The following TOMM34 variants were observed in gnomAD, a reference collection of about 807,000 sequenced individuals.
TOMM34 encodes the protein translocase of outer mitochondrial membrane 34, also known as mitochondrial import receptor subunit TOM34.
In TOMM34, 24 loss-of-function variants were observed where a neutral mutation model predicts 37.4. That is an observed-to-expected ratio of 0.64 (90% CI 0.46 to 0.90). The LOEUF (loss-of-function observed/expected upper bound fraction) is 0.90. Among genes scored for constraint, TOMM34 ranks in the 40% least tolerant of loss-of-function variants. The probability of loss-of-function intolerance (pLI) is 0.00; values close to 1 mark genes in which losing one functional copy is unlikely to be tolerated. For synonymous variants in TOMM34, 154 were observed against 148.9 expected (o/e 1.03, Z -0.25); for missense variants, 304 against 375.6 (o/e 0.81, Z 1.58).
At position 44,943,043 on chromosome 20, in the gene TOMM34, A is replaced by G. The variant is rs1286391442; in HGVS notation, c.*66T>C. On this transcript the variant is annotated 3_prime_UTR_variant, in exon 7 of 7. Coordinates refer to ENST00000372813, the MANE Select transcript of TOMM34 (RefSeq NM_006809.5). ...CATGCTGGGTTTCAGGAGCGGGCAC[A>G]GAGCAGGTGGCCCATGGCTTCTCTG... is the stretch of plus-strand genomic sequence containing the variant. The G allele has an allele frequency of 6.6e-7, 1 of 1,521,178 alleles. No homozygotes were observed. The highest frequency in any genetic ancestry group is 9.1e-7 in the Non-Finnish European group (1 of 1,097,710). The allele number at this position is 1,521,178 out of a possible 1,614,324, so 94.2% of individuals were successfully genotyped here.
chr20:44,960,023 C>T, intron 1 of TOMM34, 184 bp downstream of exon 1: 1 of 984,162 alleles, frequency 1.0e-6, no homozygotes. Flanking sequence ...TGGGGGCCAA[C>T]AGGGCAGTTA....
chr20:44,949,475 GC>G (rs1178668311), intron 4 of TOMM34, among the ~76,000 whole-genome samples: 1 of 152,150 alleles, frequency 6.6e-6, no homozygotes, highest in African/African-American at 2.4e-5. Context: ...TCTAACACAT[GC>G]AGCTCTGCTC....
Position 44,956,278 on chromosome 20 carries a change from G to A in TOMM34, c.227+108C>T. On this transcript the variant is annotated intron_variant, in intron 2 of 6. Coordinates refer to ENST00000372813, the MANE Select transcript of TOMM34 (RefSeq NM_006809.5). ...ACTCAGTGACACTTTCTTAATATCT[G>A]TCCCAGATGTAATTGATGGGATCCT... 4.6e-6 allele frequency: 5 copies of A among 1,081,090 alleles called. No homozygotes were observed. In the South Asian group the frequency reaches 7.1e-5, roughly 15 times the overall value. 67.0% of individuals were successfully genotyped at this position (1,081,090 alleles called of 1,614,324 possible).
intron 5 of TOMM34, among the ~76,000 whole-genome samples, chr20:44,945,713 A>C (rs2066975010): frequency 6.6e-6 from 1 of 152,214 alleles, no homozygotes; most frequent in Non-Finnish European, 1.5e-5. Flanking sequence ...CCCAGCTACC[A>C]TCTTGCTGAC....
intron 1 of TOMM34, among the ~76,000 whole-genome samples, chr20:44,959,345 CA>C: frequency 6.6e-6 from 1 of 152,234 alleles, no homozygotes; most frequent in East Asian, 1.9e-4. Context: ...GGGCTTTGGG[CA>C]AAGGTCTGCG....
intron 5 of TOMM34, among the ~76,000 whole-genome samples, chr20:44,943,984 C>A (rs1433471615): frequency 6.6e-6 from 1 of 151,922 alleles, no homozygotes; most frequent in Middle Eastern, 3.2e-3. Context: ...GAAAAAAAAA[C>A]CCAACAACTA....
chr20:44,960,039 C>T (rs1198373914), intron 1 of TOMM34, 168 bp downstream of exon 1: 13 of 982,732 alleles, frequency 1.3e-5, no homozygotes, highest in Non-Finnish European at 1.4e-5. Context: ...AGTTAACAAG[C>T]AGGTGGAAAG....
rs757674086 is a variant in TOMM34 at position 44,943,263 on chromosome 20, G to C, written c.826-50C>G. The stretch of plus-strand genomic sequence containing the variant: ...TGGGGGAAGGTTCCCGGACTGGGGT[G>C]GGGATAGCTGCTGAGGCAGCAAAGT... On this transcript the variant is annotated intron_variant, in intron 6 of 6. Coordinates refer to ENST00000372813, the MANE Select transcript of TOMM34 (RefSeq NM_006809.5). The C allele has an allele frequency of 1.9e-6, 3 of 1,605,942 alleles. No individual in the cohort carries two copies. In the African/African-American group the frequency reaches 4.0e-5, roughly 21 times the overall value.
intron 1 of TOMM34, among the ~76,000 whole-genome samples, chr20:44,956,958 G>A (rs902577996): frequency 2.0e-5 from 3 of 152,086 alleles, no homozygotes; most frequent in African/African-American, 7.2e-5. Context: ...AAGTTGTAGG[G>A]GCACAAAACA....
intron 1 of TOMM34, among the ~76,000 whole-genome samples, chr20:44,958,076 ATATATATG>A (rs1286715225): frequency 6.7e-6 from 1 of 150,176 alleles, no homozygotes; most frequent in Admixed American, 6.7e-5. Context: ...CTACATTTAC[ATATATATG>A]TATATATGTA....
intron 4 of TOMM34, among the ~76,000 whole-genome samples, chr20:44,949,186 G>T (rs1428639338): frequency 7.9e-5 from 12 of 152,190 alleles, no homozygotes; most frequent in Admixed American, 7.9e-4. Context: ...GTAGCTGGAA[G>T]ATCTTGTGTG....
intron 5 of TOMM34, among the ~76,000 whole-genome samples, chr20:44,947,726 C>G (rs2066992451): frequency 6.6e-6 from 1 of 152,174 alleles, no homozygotes; most frequent in Non-Finnish European, 1.5e-5. Context: ...TCTCAAACTC[C>G]TGACCTCAAG....
chr20:44,949,324 A>C (rs1328526796), intron 4 of TOMM34, among the ~76,000 whole-genome samples: 1 of 152,234 alleles, frequency 6.6e-6, no homozygotes. Flanking sequence ...ATAAACTTAA[A>C]GCAGGACAAT....
Position 44,958,465 on chromosome 20 carries a change from A to G in TOMM34, c.127+1742T>C, listed in dbSNP as rs184307154. 9.1e-4 allele frequency: 422 copies of G among 462,956 alleles called. 1 individual carries two copies. The highest frequency in any genetic ancestry group is 8.2e-3 in the African/African-American group (408 of 49,986). 28.7% of individuals were successfully genotyped at this position (462,956 alleles called of 1,614,324 possible). ...CTCAGAAACAGCAGTGGTGCGGTGG[A>G]AAGGGCATCAACCCTGCGATCCGGA... On this transcript the variant is annotated intron_variant, in intron 1 of 6. Coordinates refer to ENST00000372813, the MANE Select transcript of TOMM34 (RefSeq NM_006809.5).
At position 44,960,313 on chromosome 20, in the gene TOMM34, G is replaced by A. The variant is rs773402878; in HGVS notation, c.21C>T (p.Asp7=). 2 of 1,582,058 alleles carry A rather than the reference G, an allele frequency of 1.3e-6. No individual in the cohort carries two copies. Among genetic ancestry groups the A allele is most frequent in the Non-Finnish European group, 8.6e-7 (1 of 1,164,954 alleles). The change falls in exon 1 of 7, where the codon GAC becomes GAT. Residue 7 remains aspartate, a synonymous_variant. Transcript: ENST00000372813. MAPKFP[D]SVEELRAAGN... is the part of the protein sequence containing the mutation. ...CGGCGGCGCGGAGCTCCTCCACAGA[G>A]TCTGGGAATTTGGGGGCCATCCCGT... is the stretch of plus-strand genomic sequence containing the variant.
At chr20:44,954,595 A>C (rs2067054261) in intron 3 of TOMM34, among the ~76,000 whole-genome samples, 1 of 152,228 alleles carries the variant, frequency 6.6e-6, no homozygotes, top group Admixed American at 6.5e-5. Context: ...GAGACCAGAA[A>C]GGAATTGCAC....
intron 5 of TOMM34, among the ~76,000 whole-genome samples, chr20:44,945,249 T>G (rs1279135571): frequency 6.6e-6 from 1 of 152,202 alleles, no homozygotes; most frequent in African/African-American, 2.4e-5. Flanking sequence ...TACTAGTCCT[T>G]TGTGATTGCA....
At chr20:44,947,432 T>C (rs2066989712) in intron 5 of TOMM34, among the ~76,000 whole-genome samples, 1 of 152,238 alleles carries the variant, frequency 6.6e-6, no homozygotes, top group African/African-American at 2.4e-5. Flanking sequence ...AATTAACTTC[T>C]GCAAGCTGCC....
chr20:44,952,952 C>T (rs1433351388), intron 3 of TOMM34, among the ~76,000 whole-genome samples: 1 of 152,100 alleles, frequency 6.6e-6, no homozygotes, highest in African/African-American at 2.4e-5. Flanking sequence ...AGCAAACTTC[C>T]TCATACCCCA....
Sources: allele counts gnomAD v4.1 joint callset (sites outside exome capture counted in the v4.1 genomes callset), GRCh38; gene constraint gnomAD v4.1.1; transcripts MANE v1.5; gene names NCBI Gene and HGNC (gene_info 2026-07-23, HGNC 2026-07-21).